NTF3: variants seen among roughly 807,000 people sequenced by gnomAD.
NTF3 encodes the protein neurotrophin 3.
NTF3 carries 8 observed loss-of-function variants against 26.3 expected under a neutral mutation model. The ratio of observed to expected loss-of-function variants is 0.30; its 90% CI spans 0.18 to 0.55. The LOEUF (loss-of-function observed/expected upper bound fraction) is 0.55, where lower values mean the gene tolerates loss of function less well. Ranked by LOEUF, NTF3 falls within the 20% of genes least tolerant of loss-of-function variation. NTF3 has a pLI of 0.93. For synonymous variants in NTF3, 154 were observed against 145.5 expected (o/e 1.06, Z -0.42); for missense variants, 276 against 352.9 (o/e 0.78, Z 1.75).
chr12:5,457,304 A>G (rs1434186292), intron 1 of NTF3, among the ~76,000 whole-genome samples: 2 of 151,882 alleles, frequency 1.3e-5, no homozygotes, highest in Non-Finnish European at 2.9e-5. Flanking sequence ...TTCACACCTA[A>G]CTTCTTTAGT....
At chr12:5,448,847 A>G (rs1940337047) in intron 1 of NTF3, among the ~76,000 whole-genome samples, 1 of 152,222 alleles carries the variant, frequency 6.6e-6, no homozygotes, top group Admixed American at 6.5e-5. Context: ...TCATTTATCT[A>G]ATGTGAAAAA....
chr12:5,448,950 G>T (rs903466782), intron 1 of NTF3, among the ~76,000 whole-genome samples: 2 of 152,206 alleles, frequency 1.3e-5, no homozygotes, highest in African/African-American at 4.8e-5. Context: ...ATATGGTAAG[G>T]TATTGTGTTC....
At chr12:5,449,907 G>A (rs140999365) in intron 1 of NTF3, among the ~76,000 whole-genome samples, 1 of 152,196 alleles carries the variant, frequency 6.6e-6, no homozygotes, top group African/African-American at 2.4e-5. Context: ...TCCTCCAGGA[G>A]GCAGGAATCC....
intron 1 of NTF3, among the ~76,000 whole-genome samples, chr12:5,463,979 A>G (rs971562111): frequency 6.6e-6 from 1 of 152,170 alleles, no homozygotes; most frequent in Non-Finnish European, 1.5e-5. Context: ...ATAAAGTGGT[A>G]TTTGTTTCCA....
At chr12:5,446,313 A>C (rs750334508) in intron 1 of NTF3, among the ~76,000 whole-genome samples, 39 of 152,296 alleles carry the variant, frequency 2.6e-4, no homozygotes, top group Non-Finnish European at 1.8e-4. Flanking sequence ...TGATCTTGGA[A>C]TGATCAGACT....
chr12:5,491,557 C>A (rs1023834189), intron 1 of NTF3, among the ~76,000 whole-genome samples: 1 of 151,952 alleles, frequency 6.6e-6, no homozygotes, highest in African/African-American at 2.4e-5. Context: ...GGTGAAATTT[C>A]AACAGGAGAG....
At chr12:5,446,552 T>G (rs1417512945) in intron 1 of NTF3, among the ~76,000 whole-genome samples, 1 of 152,184 alleles carries the variant, frequency 6.6e-6, no homozygotes, top group Admixed American at 6.5e-5. Flanking sequence ...AGTAGTTCTC[T>G]TCCTTGCCAT....
At chr12:5,468,760 A>T (rs1271395013) in intron 1 of NTF3, among the ~76,000 whole-genome samples, 1 of 152,122 alleles carries the variant, frequency 6.6e-6, no homozygotes, top group Non-Finnish European at 1.5e-5. Context: ...GGGGATAGGG[A>T]TGATCTCCCC....
chr12:5,442,105 T>C (rs554289474), intron 1 of NTF3, among the ~76,000 whole-genome samples: 66 of 152,196 alleles, frequency 4.3e-4, no homozygotes, highest in Non-Finnish European at 8.5e-4. Flanking sequence ...GCTGCTGGCC[T>C]TGGGGTCTGG....
chr12:5,467,285 CTT>C (rs1318302933), intron 1 of NTF3, among the ~76,000 whole-genome samples: 1 of 135,186 alleles, frequency 7.4e-6, no homozygotes, highest in Admixed American at 7.6e-5. Context: ...GCCAAGCTCG[CTT>C]TTTGGGGCAA....
At chr12:5,491,628 G>A (rs1940937409) in intron 1 of NTF3, among the ~76,000 whole-genome samples, 1 of 152,022 alleles carries the variant, frequency 6.6e-6, no homozygotes, top group Non-Finnish European at 1.5e-5. Context: ...GGAGCAAGAG[G>A]CCTGTGAGCC....
At chr12:5,448,199 A>G (rs1457873656) in intron 1 of NTF3, among the ~76,000 whole-genome samples, 1 of 152,184 alleles carries the variant, frequency 6.6e-6, no homozygotes, top group Non-Finnish European at 1.5e-5. Flanking sequence ...TGTTTACTTC[A>G]TTTATGAAAA....
At position 5,432,135 on chromosome 12, in the gene NTF3, C is replaced by G. The variant is rs1488774070; in HGVS notation, c.-190C>G. On this transcript the variant is annotated 5_prime_UTR_variant, in exon 1 of 2. Coordinates refer to ENST00000423158, the MANE Select transcript of NTF3 (RefSeq NM_001102654.2). ...TCAGAGTTGAAGCTCCTCTCCCTTC[C>G]GAACAGCTCCGCGCACCGCCCCGCG... The G allele has an allele frequency of 5.8e-6, 4 of 686,860 alleles. No individual in the cohort carries two copies. The highest frequency in any genetic ancestry group is 1.0e-5 in the Non-Finnish European group (4 of 383,766). 42.5% of individuals were successfully genotyped at this position (686,860 alleles called of 1,614,324 possible).
In NTF3 at chr12:5,432,906, G is replaced by A. The variant is rs375832139; in HGVS notation, c.18+564G>A. The stretch of plus-strand genomic sequence containing the variant: ...GCGGCAGCTCCCCTGCACACGCCCT[G>A]CACTCTGCCGGCCGCTGAGCCTGAT... On this transcript the variant is annotated intron_variant, in intron 1 of 1. Coordinates refer to ENST00000423158, the MANE Select transcript of NTF3 (RefSeq NM_001102654.2). Among the ~76,000 whole-genome samples, 6 of 152,222 alleles carry A rather than the reference G, an allele frequency of 3.9e-5. No homozygotes were observed. The East Asian group carries it at 5.8e-4, about 15-fold the overall frequency.
At chr12:5,480,499 G>A (rs1321888384) in intron 1 of NTF3, among the ~76,000 whole-genome samples, 2 of 152,196 alleles carry the variant, frequency 1.3e-5, no homozygotes, top group Non-Finnish European at 2.9e-5. Flanking sequence ...GCAGCTGTTG[G>A]CGGCGGGCGG....
At chr12:5,480,678 G>T (rs150911827) in intron 1 of NTF3, among the ~76,000 whole-genome samples, 197 of 152,220 alleles carry the variant, frequency 1.3e-3, no homozygotes, top group Middle Eastern at 3.4e-3. Flanking sequence ...TCTGGGGAGA[G>T]GCAGTGTGGG....
intron 1 of NTF3, among the ~76,000 whole-genome samples, chr12:5,462,188 A>G (rs1355664342): frequency 7.1e-6 from 1 of 140,548 alleles, no homozygotes; most frequent in Non-Finnish European, 1.5e-5. Context: ...TCACTAATCA[A>G]TCACAGCACT....
At position 5,456,427 on chromosome 12, in the gene NTF3, C is replaced by T. The variant is rs1940449537; in HGVS notation, c.18+24085C>T. On this transcript the variant is annotated intron_variant, in intron 1 of 1. Transcript: ENST00000423158. This position sits in a 1 kb window ranked among gnomAD's most constrained non-coding sequence, Gnocchi z 4.4. Reference sequence around the variant, plus strand: ...AGTGGGACCCTGGGAGCTGTGTACCCCTCAGACCCAGTTGGAACCCAGCCA... The same window carrying T: ...AGTGGGACCCTGGGAGCTGTGTACCTCTCAGACCCAGTTGGAACCCAGCCA... 6.6e-6 allele frequency among the ~76,000 whole-genome samples: 1 copy of T among 152,172 alleles called. No homozygotes were observed. The highest frequency in any genetic ancestry group is 2.4e-5 in the African/African-American group (1 of 41,438).
intron 1 of NTF3, among the ~76,000 whole-genome samples, chr12:5,443,698 T>G (rs927342221): frequency 5.3e-5 from 8 of 152,210 alleles, no homozygotes; most frequent in African/African-American, 1.9e-4. Flanking sequence ...TTTGAGACTT[T>G]TGGTAGCTGT....
Sources: gnomAD v4.1 joint callset for allele counts (sites outside exome capture counted in the v4.1 genomes callset) on GRCh38, gnomAD v4.1.1 for gene constraint, Gnocchi (gnomAD v3.1) non-coding constraint, MANE v1.5 for transcripts, NCBI Gene and HGNC (gene_info 2026-07-23, HGNC 2026-07-21) for gene names.